Variants in ALDH18A1 observed in about 807,000 individuals in gnomAD.
The protein encoded by ALDH18A1 is aldehyde dehydrogenase 18 family member A1.
ALDH18A1 carries 44 observed loss-of-function variants against 88.8 expected under a neutral mutation model. The ratio of observed to expected loss-of-function variants is 0.50; its 90% CI spans 0.39 to 0.64. The LOEUF (loss-of-function observed/expected upper bound fraction) is 0.64, where lower values mean the gene tolerates loss of function less well. Ranked by LOEUF, ALDH18A1 falls within the 30% of genes least tolerant of loss-of-function variation. The pLI is 0.00. For synonymous variants in ALDH18A1, 331 were observed against 372.1 expected (o/e 0.89, Z 1.27); for missense variants, 782 against 1,009.5 (o/e 0.77, Z 3.05).
rs1176375661 is a variant in ALDH18A1, at chr10:95,610,273, G to A, written c.2130C>T (p.Phe710=). The A allele has an allele frequency of 1.2e-6, 2 of 1,614,096 alleles. No individual in the cohort carries two copies. The highest frequency in any genetic ancestry group is 1.7e-6 in the Non-Finnish European group (2 of 1,179,956). Residue 710 remains phenylalanine (F), a synonymous_variant, in exon 17 of 18, where the codon TTC becomes TTT. Coordinates refer to ENST00000371224, the MANE Select transcript of ALDH18A1 (RefSeq NM_002860.4). ...CACAGGCACTGTCTACGTGCTGCAGGAAGAACTCCGCTGTGTTTTCTGCAG... is the reference window on the plus strand; with the variant it reads ...CACAGGCACTGTCTACGTGCTGCAGAAAGAACTCCGCTGTGTTTTCTGCAG... The part of the protein sequence containing the change: ...VTEDENTAEF[F]LQHVDSACVF...
chr10:95,653,960 T>C (rs191462439), intron 1 of ALDH18A1, among the ~76,000 whole-genome samples: 4 of 152,336 alleles, frequency 2.6e-5, no homozygotes, highest in African/African-American at 7.2e-5. Flanking sequence ...TGGAAGGCAG[T>C]GGCAATGCCT....
At chr10:95,620,944 A>C in intron 12 of ALDH18A1, 87 bp downstream of exon 12, 1 of 1,363,920 alleles carries the variant, frequency 7.3e-7, no homozygotes, top group South Asian at 1.4e-5. Flanking sequence ...TAAAAAAAAA[A>C]AAAAAGAAAA....
At chr10:95,639,420 C>A (rs1191550495) in intron 3 of ALDH18A1, among the ~76,000 whole-genome samples, 1 of 152,040 alleles carries the variant, frequency 6.6e-6, no homozygotes, top group Non-Finnish European at 1.5e-5. Flanking sequence ...ACATACCACC[C>A]AGTTTCACCA....
At chr10:95,609,837 G>C (rs977476237) in intron 17 of ALDH18A1, among the ~76,000 whole-genome samples, 16 of 134,658 alleles carry the variant, frequency 1.2e-4, no homozygotes, top group Admixed American at 3.6e-4. Context: ...GCGTAATCTC[G>C]GGCTCACCGC....
intron 2 of ALDH18A1, among the ~76,000 whole-genome samples, chr10:95,651,310 C>A (rs1005098919): frequency 6.6e-5 from 10 of 152,090 alleles, no homozygotes; most frequent in African/African-American, 2.2e-4. Context: ...AAAAGAGTGA[C>A]CACATCAAAT....
chr10:95,640,380 C>T (rs761794589), intron 3 of ALDH18A1, among the ~76,000 whole-genome samples: 31 of 150,056 alleles, frequency 2.1e-4, no homozygotes, highest in Middle Eastern at 3.4e-3. Flanking sequence ...GTCTCACTCT[C>T]GCCCAGGCTG....
Position 95,606,655 on chromosome 10 carries a change from A to G in ALDH18A1, c.*107T>C. On this transcript the variant is annotated 3_prime_UTR_variant, in exon 18 of 18. Coordinates refer to ENST00000371224, the MANE Select transcript of ALDH18A1 (RefSeq NM_002860.4). Reference sequence around the variant, plus strand: ...GAAGCATCCAGGTACACTTTCCAACAGGCAGACCCTACCAGGAACTGGGAG... The same window carrying G: ...GAAGCATCCAGGTACACTTTCCAACGGGCAGACCCTACCAGGAACTGGGAG... 6.2e-7 allele frequency: 1 copy of G among 1,609,520 alleles called. No individual in the cohort carries two copies. The highest frequency in any genetic ancestry group is 8.5e-7 in the Non-Finnish European group (1 of 1,179,474).
At chr10:95,623,944 G>A (rs57347444) in intron 11 of ALDH18A1, among the ~76,000 whole-genome samples, 44,587 of 151,670 alleles carry the variant, frequency 0.29, 7,180 homozygotes, top group Admixed American at 0.4. Flanking sequence ...CAGCTGATCC[G>A]CCCACCTTGG....
chr10:95,625,431 C>G lies in ALDH18A1; in HGVS notation c.1177G>C (p.Ala393Pro). 6.2e-7 allele frequency: 1 copy of G among 1,613,888 alleles called. No individual in the cohort carries two copies. The highest frequency in any genetic ancestry group is 8.5e-7 in the Non-Finnish European group (1 of 1,179,920). Residue 393 changes from alanine (A) to proline (P), a missense_variant, in exon 11 of 18, where the codon GCT becomes CCT. This residue lies in a region of ALDH18A1 where 556 missense variants were observed against 654.5 expected (regional missense o/e 0.85). Transcript: ENST00000371224. ...TCACGCTGGTCCGTCAACAGATCAG[C>G]CAGATGATGGATAATTTCTGCTCTC... The part of the protein sequence containing the change: ...EQRAEIIHHL[A>P]DLLTDQRDEI...
In ALDH18A1 at chr10:95,628,492, C is replaced by T; in HGVS notation, c.809G>A (p.Gly270Asp). ...TGAACCTGGGGGGCTGTCAAAAAGG[C>T]CTAAAAAATAGACAAGAGTCAGTAA... ...DLLIVLSDVEGLFDSPPGSDD... is the reference protein window; with the variant it reads ...DLLIVLSDVEDLFDSPPGSDD... The change falls in exon 8 of 18, where the codon GGC (glycine) becomes GAC (aspartate). Residue 270 changes from glycine (G) to aspartate (D), a missense_variant and splice_region_variant. Physicochemically the swap from Gly to Asp is moderately conservative, Grantham distance 94. Around this residue, in one of 3 missense-constraint regions of ALDH18A1, gnomAD observed 132 missense variants for 255.5 expected, o/e 0.52. Transcript: ENST00000371224. 6.2e-7 allele frequency: 1 copy of T among 1,612,844 alleles called. No homozygotes were observed. The highest frequency in any genetic ancestry group is 1.7e-5 in the Admixed American group (1 of 60,000).
chr10:95,638,779 A>G (rs1346049795), intron 3 of ALDH18A1, among the ~76,000 whole-genome samples: 1 of 152,230 alleles, frequency 6.6e-6, no homozygotes, highest in Non-Finnish European at 1.5e-5. Context: ...TAAAGTCAAT[A>G]TTCCTAAACT....
intron 17 of ALDH18A1, among the ~76,000 whole-genome samples, chr10:95,607,843 G>A (rs2097825652): frequency 1.3e-5 from 2 of 152,138 alleles, no homozygotes; most frequent in South Asian, 4.1e-4. Flanking sequence ...GAGAAAACCA[G>A]ACAGAGGTGC....
rs2097861890 is a variant in ALDH18A1 at position 95,627,340 on chromosome 10, C to T, written c.1078+102G>A. The T allele has an allele frequency of 3.4e-6, 5 of 1,488,816 alleles. No homozygotes were observed. The African/African-American group carries it at 4.2e-5, about 12-fold the overall frequency. 92.2% of individuals were successfully genotyped at this position (1,488,816 alleles called of 1,614,324 possible). A position where few individuals can be genotyped will look rare whatever the true frequency, so the allele number is the denominator to read the frequency against. The stretch of plus-strand genomic sequence containing the variant: ...TTTGCAAATAGCGTTCAAAACAATG[C>T]CATATTTCATAATATTAGCATATCA... On this transcript the variant is annotated intron_variant, in intron 9 of 17. Coordinates refer to ENST00000371224, the MANE Select transcript of ALDH18A1 (RefSeq NM_002860.4).
chr10:95,652,014 T>C (rs939846970), intron 2 of ALDH18A1, among the ~76,000 whole-genome samples: 5 of 152,222 alleles, frequency 3.3e-5, no homozygotes, highest in African/African-American at 9.6e-5. Context: ...CTAACTGTGA[T>C]ACACTCATAG....
chr10:95,609,262 G>A (rs577636156), intron 17 of ALDH18A1, among the ~76,000 whole-genome samples: 2 of 152,312 alleles, frequency 1.3e-5, no homozygotes, highest in Non-Finnish European at 2.9e-5. Context: ...TATACCTAAT[G>A]GAAAGGGACA....
chr10:95,612,567 C>T (rs968520172), intron 15 of ALDH18A1, among the ~76,000 whole-genome samples: 2 of 152,212 alleles, frequency 1.3e-5, no homozygotes, highest in African/African-American at 4.8e-5. Flanking sequence ...GGAACCCCAT[C>T]CCTGTGCAAG....
intron 11 of ALDH18A1, among the ~76,000 whole-genome samples, chr10:95,622,068 AATCT>A (rs1259010996): frequency 6.6e-6 from 1 of 152,194 alleles, no homozygotes; most frequent in African/African-American, 2.4e-5. Flanking sequence ...GAATAGTAAT[AATCT>A]ATCTTTCTAT....
intron 3 of ALDH18A1, among the ~76,000 whole-genome samples, chr10:95,639,076 T>C (rs1162551498): frequency 6.6e-6 from 1 of 151,988 alleles, no homozygotes; most frequent in African/African-American, 2.4e-5. Context: ...TAATATTTTA[T>C]CACAGAAAGT....
At chr10:95,655,877 G>A (rs901031634) in intron 1 of ALDH18A1, among the ~76,000 whole-genome samples, 1 of 152,192 alleles carries the variant, frequency 6.6e-6, no homozygotes, top group African/African-American at 2.4e-5. Context: ...GAACAGAGAA[G>A]TGAACCTCAG....
Sources: gnomAD v4.1 joint callset for allele counts (sites outside exome capture counted in the v4.1 genomes callset) on GRCh38, gnomAD v4.1.1 for gene constraint, gnomAD v4.1.1 regional missense constraint, MANE v1.5 for transcripts, NCBI Gene and HGNC (gene_info 2026-07-23, HGNC 2026-07-21) for gene names.